The following POPDC3 variants were observed in gnomAD, a reference collection of about 807,000 sequenced individuals.
POPDC3 encodes popeye domain cAMP effector 3, also known as popeye domain-containing protein 3.
In POPDC3, 20 loss-of-function variants were observed where a neutral mutation model predicts 28.2. That is an observed-to-expected ratio of 0.71 (90% confidence interval 0.50 to 1.03). The LOEUF (loss-of-function observed/expected upper bound fraction) is 1.03. POPDC3 is among the 50% of genes least tolerant of loss of function. POPDC3 has a pLI of 0.00. For missense variants in POPDC3, 316 were observed against 345.9 expected, an observed-to-expected ratio of 0.91 and a Z score of 0.69; for synonymous variants, 118 against 124.1, an observed-to-expected ratio of 0.95 and a Z score of 0.33.
intron 1 of POPDC3, chr6:105,179,106 T>C (rs1045074638): frequency 4.4e-5 from 43 of 985,336 alleles, no homozygotes; most frequent in Non-Finnish European, 4.9e-5. Flanking sequence ...TTACTGTATT[T>C]TGGTTGTGCC....
chr6:105,161,551 C>T lies in POPDC3; in HGVS notation c.359G>A (p.Gly120Glu), dbSNP rs764288373. ...VLYSSLFQPL[G>E]ISLPVFRTIA... ...CGTTCTGAAGACAGGCAAAGAGATC[C>T]CCAGGGGCTGGAAAAGGGAGCTGTA... The change falls in exon 2 of 4, where the codon GGG becomes GAG. Residue 120 changes from glycine (G) to glutamate (E), a missense_variant. Gly to Glu is a moderately conservative substitution (Grantham distance 98, BLOSUM62 -2). Transcript: ENST00000254765. 1.6e-5 allele frequency: 26 copies of T among 1,614,156 alleles called. No homozygotes were observed. Among genetic ancestry groups the T allele is most frequent in the Non-Finnish European group, 2.2e-5 (26 of 1,180,034 alleles).
chr6:105,170,335 A>G (rs1774550697), intron 1 of POPDC3, among the ~76,000 whole-genome samples: 2 of 152,228 alleles, frequency 1.3e-5, no homozygotes, highest in South Asian at 2.1e-4. Context: ...GTTTCTTTAT[A>G]TGAATCAATG....
intron 1 of POPDC3, chr6:105,179,304 C>A: frequency 4.2e-6 from 4 of 956,916 alleles, no homozygotes; most frequent in Non-Finnish European, 5.0e-6. Flanking sequence ...AGTGTGAGAG[C>A]ACTGACACCA....
intron 1 of POPDC3, among the ~76,000 whole-genome samples, chr6:105,173,202 T>C (rs1300385013): frequency 6.6e-6 from 1 of 152,212 alleles, no homozygotes. Flanking sequence ...ATTACCAAGA[T>C]TTAATATAAA....
At chr6:105,159,990 TG>T (rs1187930520) in intron 2 of POPDC3, 171 bp from the exon 3 acceptor site, 9 of 504,882 alleles carry the variant, frequency 1.8e-5, no homozygotes, top group Admixed American at 3.3e-5. Context: ...CATAATGTCC[TG>T]TAAGATTCAT....
At chr6:105,166,868 TTG>T (rs5878839) in intron 1 of POPDC3, among the ~76,000 whole-genome samples, 108,266 of 148,930 alleles carry the variant, frequency 0.73, 41,579 homozygotes, top group Non-Finnish European at 0.84. Context: ...ACATAGATGG[TTG>T]TGTGTGTGTG....
Position 105,158,501 on chromosome 6 carries a change from A to G in POPDC3, c.845T>C (p.Phe282Ser). The part of the protein sequence containing the change: ...EIRRSPLTQH[F>S]QNSRRYCDK ...ATCACAGTATCGTCTGGAATTCTGA[A>G]AATGTTGTGTCAGGGGTGATCTGCG... The change falls in exon 4 of 4, where the codon TTT becomes TCT. Residue 282 changes from phenylalanine to serine, a missense_variant. Coordinates refer to ENST00000254765, the MANE Select transcript of POPDC3 (RefSeq NM_022361.5). 1 of 1,613,242 alleles carries G rather than the reference A, an allele frequency of 6.2e-7. No individual in the cohort carries two copies. Among genetic ancestry groups the G allele is most frequent in the Non-Finnish European group, 8.5e-7 (1 of 1,179,466 alleles).
In POPDC3 at chr6:105,157,916, T is replaced by C. The variant is rs1042214404; in HGVS notation, c.*554A>G. On this transcript the variant is annotated 3_prime_UTR_variant, in exon 4 of 4. Transcript: ENST00000254765. ...AGGAAATGCTTCTTTTTAAATGTTA[T>C]TTTATTTGTAGCAATAAAATAGGCT... 1.4e-4 allele frequency among the ~76,000 whole-genome samples: 22 copies of C among 152,376 alleles called. No individual in the cohort carries two copies. Among genetic ancestry groups the C allele is most frequent in the Middle Eastern group, 6.8e-3 (2 of 294 alleles).
Position 105,168,381 on chromosome 6 carries a change from G to C in POPDC3, c.-251-6221C>G, listed in dbSNP as rs76517970. Among the ~76,000 whole-genome samples the C allele has an allele frequency of 2.8e-3, 424 of 152,278 alleles. 6 individuals carry two copies. The highest frequency in any genetic ancestry group is 0.011 in the East Asian group (58 of 5,192). On this transcript the variant is annotated intron_variant, in intron 1 of 3. Transcript: ENST00000254765. ...CATGTACCACTAATCTCTTAGGCTGGAGCATGCTTTTGATCCCCCTTATCA... is the reference window on the plus strand; with the variant it reads ...CATGTACCACTAATCTCTTAGGCTGCAGCATGCTTTTGATCCCCCTTATCA...
rs780728201 is a variant in POPDC3 at position 105,158,516 on chromosome 6, G to T, written c.830C>A (p.Pro277His). The change falls in exon 4 of 4, where the codon CCC becomes CAC. Residue 277 changes from proline (P) to histidine (H), a missense_variant. Pro to His is a moderately conservative substitution (Grantham distance 77, BLOSUM62 -2). Coordinates refer to ENST00000254765, the MANE Select transcript of POPDC3 (RefSeq NM_022361.5). Reference protein sequence around the residue: ...QMSTPEIRRSPLTQHFQNSRR... With the variant: ...QMSTPEIRRSHLTQHFQNSRR... ...GGAATTCTGAAAATGTTGTGTCAGG[G>T]GTGATCTGCGTATTTCTGGAGTTGA... is the stretch of plus-strand genomic sequence containing the variant. 1.2e-6 allele frequency: 2 copies of T among 1,613,876 alleles called. No homozygotes were observed. The highest frequency in any genetic ancestry group is 3.3e-5 in the Admixed American group (2 of 60,004).
intron 1 of POPDC3, among the ~76,000 whole-genome samples, chr6:105,174,457 CA>C (rs1774644509): frequency 6.6e-6 from 1 of 152,168 alleles, no homozygotes; most frequent in Non-Finnish European, 1.5e-5. Context: ...TACAGCCAGC[CA>C]AATGGTCATT....
chr6:105,171,732 T>TAAACACCGCATGTTC (rs1554198593), intron 1 of POPDC3, among the ~76,000 whole-genome samples: 5 of 151,148 alleles, frequency 3.3e-5, no homozygotes, highest in African/African-American at 4.9e-5. Context: ...AGCCTGCATT[T>TAAACACCGCATGTTC]TAGTGAAATT....
chr6:105,161,542 A>C lies in POPDC3; in HGVS notation c.368T>G (p.Leu123Trp). The change falls in exon 2 of 4, where the codon TTG (leucine) becomes TGG (tryptophan). Residue 123 changes from leucine (L) to tryptophan (W), a missense_variant. By Grantham distance (61) the Leu-to-Trp change is moderately conservative (BLOSUM62 -2). Transcript: ENST00000254765. ...SSLFQPLGIS[L>W]PVFRTIALSS... The stretch of plus-strand genomic sequence containing the variant: ...CAAAGCAATCGTTCTGAAGACAGGC[A>C]AAGAGATCCCCAGGGGCTGGAAAAG... The C allele has an allele frequency of 6.2e-7, 1 of 1,614,226 alleles. No individual in the cohort carries two copies. Among genetic ancestry groups the C allele is most frequent in the Non-Finnish European group, 8.5e-7 (1 of 1,180,048 alleles).
At chr6:105,159,641 G>C (rs1774275096) in intron 3 of POPDC3, 70 bp downstream of exon 3, 2 of 860,280 alleles carry the variant, frequency 2.3e-6, no homozygotes, top group Admixed American at 2.1e-5. Context: ...TTGTTTATTT[G>C]TTTACTTATT....
At chr6:105,171,807 A>C (rs1253012934) in intron 1 of POPDC3, among the ~76,000 whole-genome samples, 1 of 151,044 alleles carries the variant, frequency 6.6e-6, no homozygotes, top group Non-Finnish European at 1.5e-5. Context: ...TTACTAACTA[A>C]AAATACACCT....
chr6:105,170,793 C>T (rs1774561396), intron 1 of POPDC3, among the ~76,000 whole-genome samples: 1 of 152,150 alleles, frequency 6.6e-6, no homozygotes, highest in South Asian at 2.1e-4. Context: ...ATCAGTGGCA[C>T]ATTCTTTAAA....
At chr6:105,177,380 CATACAAAA>C (rs1232392252) in intron 1 of POPDC3, among the ~76,000 whole-genome samples, 3 of 151,784 alleles carry the variant, frequency 2.0e-5, no homozygotes, top group Non-Finnish European at 2.9e-5. Context: ...ATTTTGAACA[CATACAAAA>C]ATAGAGAAAA....
At chr6:105,173,146 C>T (rs1260544759) in intron 1 of POPDC3, among the ~76,000 whole-genome samples, 1 of 152,096 alleles carries the variant, frequency 6.6e-6, no homozygotes, top group Non-Finnish European at 1.5e-5. Flanking sequence ...TCATATCTGA[C>T]CAAGTATTGA....
intron 1 of POPDC3, among the ~76,000 whole-genome samples, chr6:105,178,415 C>T (rs1774719288): frequency 6.6e-6 from 1 of 152,108 alleles, no homozygotes; most frequent in African/African-American, 2.4e-5. Flanking sequence ...CATTTAGAGG[C>T]AGAAGATGCA....
Sources: gnomAD v4.1 joint callset for allele counts (sites outside exome capture counted in the v4.1 genomes callset) on GRCh38, gnomAD v4.1.1 for gene constraint, MANE v1.5 for transcripts, NCBI Gene and HGNC (gene_info 2026-07-23, HGNC 2026-07-21) for gene names.